Variants in MYO10 observed in about 807,000 individuals in gnomAD.
The protein encoded by MYO10 is unconventional myosin-X.
A neutral mutation model predicts 257.3 loss-of-function variants in MYO10; 133 were observed. The observed-to-expected ratio is 0.52, with a 90% CI of 0.45 to 0.60. The LOEUF is 0.60. Ranked by LOEUF, MYO10 falls within the 20% of genes least tolerant of loss-of-function variation. The probability of loss-of-function intolerance (pLI) is 0.00; values close to 1 mark genes in which losing one functional copy is unlikely to be tolerated. For synonymous variants in MYO10, 1,104 were observed against 1,028.6 expected (o/e 1.07, Z -1.40); for missense variants, 2,399 against 2,635.7 (o/e 0.91, Z 1.97).
At chr5:16,865,331 C>T (rs984388814) in intron 2 of MYO10, among the ~76,000 whole-genome samples, 4 of 152,144 alleles carry the variant, frequency 2.6e-5, no homozygotes, top group South Asian at 2.1e-4. Context: ...ATTCATAGCA[C>T]GTGGCCAGGG....
intron 1 of MYO10, among the ~76,000 whole-genome samples, chr5:16,927,726 A>G (rs1361089790): frequency 6.6e-6 from 1 of 152,182 alleles, no homozygotes; most frequent in African/African-American, 2.4e-5. Flanking sequence ...TAGTTGGACA[A>G]TTCCCATATG....
At chr5:16,874,813 CTT>C (rs1391102306) in intron 2 of MYO10, among the ~76,000 whole-genome samples, 1 of 152,204 alleles carries the variant, frequency 6.6e-6, no homozygotes, top group Non-Finnish European at 1.5e-5. Flanking sequence ...TTTCGGGTAT[CTT>C]TCCAGCAAGT....
chr5:16,781,502 G>T (rs190483971), intron 6 of MYO10, among the ~76,000 whole-genome samples: 82 of 152,290 alleles, frequency 5.4e-4, no homozygotes, highest in Admixed American at 2.2e-3. Context: ...CCAAGTAGCT[G>T]TAACTATAGG....
At chr5:16,700,304 G>T (rs923178579) in intron 25 of MYO10, among the ~76,000 whole-genome samples, 10 of 152,098 alleles carry the variant, frequency 6.6e-5, no homozygotes, top group African/African-American at 2.4e-4. Flanking sequence ...ACGCAGCACG[G>T]CAAAGCTAAA....
chr5:16,855,059 C>T (rs1198272368), intron 2 of MYO10, among the ~76,000 whole-genome samples: 3 of 151,906 alleles, frequency 2.0e-5, no homozygotes, highest in Non-Finnish European at 4.4e-5. Context: ...AAAACTGTTG[C>T]TTTGTATTTC....
At chr5:16,863,822 G>T (rs1744169864) in intron 2 of MYO10, among the ~76,000 whole-genome samples, 2 of 152,202 alleles carry the variant, frequency 1.3e-5, no homozygotes, top group Admixed American at 6.5e-5. Context: ...TCCGGGCCAG[G>T]TGCGGTGGCT....
chr5:16,701,944 T>A lies in MYO10; in HGVS notation c.2557-106A>T. 1 of 1,320,922 alleles carries A rather than the reference T, an allele frequency of 7.6e-7. No homozygotes were observed. The highest frequency in any genetic ancestry group is 1.0e-6 in the Non-Finnish European group (1 of 981,436). 81.8% of individuals were successfully genotyped at this position (1,320,922 alleles called of 1,614,324 possible). ...AATATGGTCATTATGAGTTGGACTG[T>A]GTCCCCATAAAGTCTATAGGTTGAA... is the stretch of plus-strand genomic sequence containing the variant. On this transcript the variant is annotated intron_variant, in intron 24 of 40. Coordinates refer to ENST00000513610, the MANE Select transcript of MYO10 (RefSeq NM_012334.3). This position sits in a 1 kb window ranked among gnomAD's most constrained non-coding sequence, Gnocchi z 8.1.
intron 9 of MYO10, among the ~76,000 whole-genome samples, chr5:16,778,969 C>T (rs1046866181): frequency 6.6e-6 from 1 of 152,156 alleles, no homozygotes; most frequent in Admixed American, 6.5e-5. Flanking sequence ...GGATTATAGG[C>T]ATGAGCCACC....
chr5:16,792,593 G>GA (rs1491386809), intron 4 of MYO10, among the ~76,000 whole-genome samples: 1 of 132,602 alleles, frequency 7.5e-6, no homozygotes, highest in African/African-American at 2.6e-5. Flanking sequence ...CGGGGGGCGG[G>GA]GGGCTGCTCT....
At chr5:16,798,963 T>G in intron 3 of MYO10, among the ~76,000 whole-genome samples, 1 of 152,176 alleles carries the variant, frequency 6.6e-6, no homozygotes, top group East Asian at 1.9e-4. Context: ...TATTAGGATA[T>G]TCACCCATCA....
chr5:16,816,970 C>A (rs1742636368), intron 3 of MYO10, among the ~76,000 whole-genome samples: 1 of 152,146 alleles, frequency 6.6e-6, no homozygotes, highest in Admixed American at 6.5e-5. Context: ...CAGGCATGTG[C>A]CACCATGCCC....
chr5:16,885,670 T>C (rs1333131747), intron 1 of MYO10, among the ~76,000 whole-genome samples: 1 of 142,008 alleles, frequency 7.0e-6, no homozygotes. Flanking sequence ...AGACTCTGTC[T>C]CAACAAAAAC....
rs1417620670 is a variant in MYO10, at chr5:16,706,224, C to CAT, written c.2170-1541_2170-1540dup. Among the ~76,000 whole-genome samples the CAT allele has an allele frequency of 3.9e-5, 6 of 152,112 alleles. 1 individual carries two copies. The highest frequency in any genetic ancestry group is 2.1e-4 in the South Asian group (1 of 4,816). On this transcript the variant is annotated intron_variant, in intron 21 of 40. Transcript: ENST00000513610. The stretch of plus-strand genomic sequence containing the variant: ...ATATATATACACACACGTACATACT[C>CAT]ATATATATACACACTCATATATATA...
chr5:16,771,129 G>A (rs910529362), intron 9 of MYO10, among the ~76,000 whole-genome samples: 1 of 152,170 alleles, frequency 6.6e-6, no homozygotes, highest in Non-Finnish European at 1.5e-5. Flanking sequence ...AAACAATGGA[G>A]AGGGAAAGAA....
At position 16,916,687 on chromosome 5, in the gene MYO10, T is replaced by C. The variant is rs143329791; in HGVS notation, c.21+19101A>G. Among the ~76,000 whole-genome samples the C allele has an allele frequency of 5.0e-3, 767 of 152,174 alleles. 6 individuals are homozygous for C. The highest frequency in any genetic ancestry group is 0.017 in the African/African-American group (723 of 41,504). On this transcript the variant is annotated intron_variant, in intron 1 of 40. Coordinates refer to ENST00000513610, the MANE Select transcript of MYO10 (RefSeq NM_012334.3). ...AACTGCCCTCACCAAGCTTTTAGAG[T>C]GATTCATCACTGTGGCTGGCAAGAA... is the stretch of plus-strand genomic sequence containing the variant.
At chr5:16,795,928 G>A (rs1310080616) in intron 3 of MYO10, among the ~76,000 whole-genome samples, 4 of 152,116 alleles carry the variant, frequency 2.6e-5, no homozygotes, top group South Asian at 2.1e-4. Flanking sequence ...AGTGGCTCAC[G>A]ACTGTAATCC....
chr5:16,736,997 G>A (rs768455548), intron 19 of MYO10, among the ~76,000 whole-genome samples: 9 of 151,836 alleles, frequency 5.9e-5, no homozygotes, highest in Non-Finnish European at 1.3e-4. Flanking sequence ...TCAAATCATG[G>A]TCTTTTGCCA....
At chr5:16,905,650 C>T (rs2126788114) in intron 1 of MYO10, among the ~76,000 whole-genome samples, 1 of 152,244 alleles carries the variant, frequency 6.6e-6, no homozygotes, top group South Asian at 2.1e-4. Context: ...AAGATGGGTA[C>T]CTTGGATGCA....
chr5:16,907,161 C>T (rs1745541623), intron 1 of MYO10, among the ~76,000 whole-genome samples: 1 of 152,036 alleles, frequency 6.6e-6, no homozygotes, highest in Admixed American at 6.6e-5. Context: ...TATTCAGGAA[C>T]CCACAAGAAC....
Sources: gnomAD v4.1 joint callset for allele counts (sites outside exome capture counted in the v4.1 genomes callset) on GRCh38, gnomAD v4.1.1 for gene constraint, Gnocchi (gnomAD v3.1) non-coding constraint, MANE v1.5 for transcripts, NCBI Gene and HGNC (gene_info 2026-07-23, HGNC 2026-07-21) for gene names.